The following FKBP5 variants were observed in gnomAD, a reference collection of about 807,000 sequenced individuals.
The protein encoded by FKBP5 is peptidyl-prolyl cis-trans isomerase FKBP5.
FKBP5 carries 23 observed loss-of-function variants against 50.5 expected under a neutral mutation model. That is an observed-to-expected ratio of 0.46 (90% CI 0.33 to 0.65). The LOEUF is 0.65. Ranked by LOEUF, FKBP5 falls within the 30% of genes least tolerant of loss-of-function variation. The pLI is 0.02. For missense variants in FKBP5, 411 were observed against 553.1 expected (o/e 0.74, Z 2.58); for synonymous variants, 176 against 190.6 (o/e 0.92, Z 0.63).
At chr6:35,654,837 T>C (rs555956858) in intron 1 of FKBP5, among the ~76,000 whole-genome samples, 27 of 152,300 alleles carry the variant, frequency 1.8e-4, no homozygotes, top group Admixed American at 5.2e-4. Flanking sequence ...TCCAGCTCTG[T>C]ACCAAGACAA....
At chr6:35,665,767 A>AGG (rs1765197806) in intron 1 of FKBP5, among the ~76,000 whole-genome samples, 1 of 152,152 alleles carries the variant, frequency 6.6e-6, no homozygotes, top group South Asian at 2.1e-4. Flanking sequence ...TCCCCAACTT[A>AGG]TGGTTTGGGT....
At chr6:35,578,114 G>T (rs1007991374) in intron 9 of FKBP5, among the ~76,000 whole-genome samples, 2 of 146,930 alleles carry the variant, frequency 1.4e-5, no homozygotes, top group Admixed American at 6.8e-5. Flanking sequence ...GTAAATTCTA[G>T]ATCAACCATA....
chr6:35,690,426 T>C (rs951844310), upstream of FKBP5, among the ~76,000 whole-genome samples: 1 of 150,848 alleles, frequency 6.6e-6, no homozygotes, highest in Admixed American at 6.6e-5. Flanking sequence ...GATCGCACCA[T>C]TGCACTCCAG....
chr6:35,711,188 G>C (rs1339828440), intron 2 of FKBP5, among the ~76,000 whole-genome samples: 2 of 151,828 alleles, frequency 1.3e-5, no homozygotes, highest in Non-Finnish European at 2.9e-5. Flanking sequence ...GTGGTGGCTC[G>C]CACCTGTAGT....
chr6:35,707,377 C>T (rs967243309), intron 2 of FKBP5, among the ~76,000 whole-genome samples: 1 of 151,562 alleles, frequency 6.6e-6, no homozygotes. Context: ...CCACCACGGC[C>T]GGCTAATTTT....
chr6:35,718,118 T>C (rs1327143026), intron 2 of FKBP5, among the ~76,000 whole-genome samples: 1 of 152,038 alleles, frequency 6.6e-6, no homozygotes, highest in African/African-American at 2.4e-5. Context: ...GTCCAAGGAC[T>C]GGGGGGCCTC....
chr6:35,640,504 G>A (rs566943866), intron 2 of FKBP5, among the ~76,000 whole-genome samples: 5 of 152,198 alleles, frequency 3.3e-5, no homozygotes, highest in Non-Finnish European at 7.4e-5. Flanking sequence ...GAAGGCCTAG[G>A]ATATTACCAT....
intron 2 of FKBP5, among the ~76,000 whole-genome samples, chr6:35,638,771 G>GA (rs147609130): frequency 2.7e-5 from 4 of 150,082 alleles, no homozygotes; most frequent in South Asian, 4.2e-4. Flanking sequence ...GACTTCAAAA[G>GA]AAAAAAAAAG....
intron 10 of FKBP5, 68 bp from the exon 11 acceptor site, chr6:35,576,010 G>T: frequency 1.8e-6 from 2 of 1,110,386 alleles, no homozygotes; most frequent in Non-Finnish European, 2.8e-6. Flanking sequence ...GGCTCCTCCA[G>T]ACTGTGTATC....
chr6:35,625,606 A>G (rs1373576765), intron 3 of FKBP5, among the ~76,000 whole-genome samples: 2 of 148,286 alleles, frequency 1.3e-5, no homozygotes, highest in African/African-American at 2.5e-5. Flanking sequence ...CGTGGTGGTG[A>G]GTGCCTGTAG....
chr6:35,610,362 C>A (rs1026063582), intron 5 of FKBP5, among the ~76,000 whole-genome samples: 2 of 151,714 alleles, frequency 1.3e-5, no homozygotes, highest in African/African-American at 4.8e-5. Flanking sequence ...GTCAGGAGAT[C>A]GAGACCATCC....
chr6:35,625,014 G>A (rs555843458), intron 3 of FKBP5, among the ~76,000 whole-genome samples: 77 of 152,316 alleles, frequency 5.1e-4, no homozygotes, highest in Non-Finnish European at 9.1e-4. Context: ...AGTCTGGAGA[G>A]GGTTAAGCAA....
intron 1 of FKBP5, among the ~76,000 whole-genome samples, chr6:35,685,012 G>A (rs776898741): frequency 1.4e-4 from 21 of 151,498 alleles, no homozygotes; most frequent in Non-Finnish European, 2.6e-4. Context: ...AGTGAGCCAT[G>A]ATGACACCAC....
chr6:35,666,976 C>G (rs1765249571), intron 1 of FKBP5, among the ~76,000 whole-genome samples: 1 of 151,480 alleles, frequency 6.6e-6, no homozygotes. Context: ...GAATGGGGCT[C>G]AGGGGAAGAA....
At chr6:35,700,149 C>T (rs1211496295) in intron 2 of FKBP5, among the ~76,000 whole-genome samples, 1 of 152,066 alleles carries the variant, frequency 6.6e-6, no homozygotes, top group African/African-American at 2.4e-5. Flanking sequence ...TATGTGCCTG[C>T]CACTTCTTTT....
At chr6:35,716,655 A>G (rs1194641568) in intron 2 of FKBP5, among the ~76,000 whole-genome samples, 1 of 152,056 alleles carries the variant, frequency 6.6e-6, no homozygotes, top group Non-Finnish European at 1.5e-5. Context: ...ACTGCCGCTG[A>G]ATTGGATTTA....
chr6:35,668,934 AT>A (rs908550004), intron 1 of FKBP5, among the ~76,000 whole-genome samples: 15 of 151,750 alleles, frequency 9.9e-5, no homozygotes, highest in East Asian at 7.7e-4. Context: ...TCCTCTGATA[AT>A]TTTTTTTTAT....
At chr6:35,592,732 C>T (rs536793112) in intron 6 of FKBP5, among the ~76,000 whole-genome samples, 69 of 152,336 alleles carry the variant, frequency 4.5e-4, no homozygotes, top group African/African-American at 1.7e-3. Context: ...TTGATTTTAA[C>T]TCCTCTTCCC....
intron 5 of FKBP5, among the ~76,000 whole-genome samples, chr6:35,600,666 T>C (rs1763120226): frequency 6.6e-6 from 1 of 152,182 alleles, no homozygotes; most frequent in Non-Finnish European, 1.5e-5. Context: ...GTCTGAAGTT[T>C]ATTGTTGGAA....
Sources: gnomAD v4.1 joint callset for allele counts (sites outside exome capture counted in the v4.1 genomes callset) on GRCh38, gnomAD v4.1.1 for gene constraint, MANE v1.5 for transcripts, NCBI Gene and HGNC (gene_info 2026-07-23, HGNC 2026-07-21) for gene names.